The following CALHM4 variants were observed in gnomAD, a reference collection of about 807,000 sequenced individuals.
The protein encoded by CALHM4 is calcium homeostasis modulator protein 4.
In CALHM4, 16 loss-of-function variants were observed where a neutral mutation model predicts 13.3. The ratio of observed to expected loss-of-function variants is 1.20; its 90% CI spans 0.81 to 1.82. CALHM4 has a LOEUF of 1.82. Among genes scored for constraint, CALHM4 ranks in the 40% most tolerant of loss-of-function variants. The probability of loss-of-function intolerance (pLI) is 0.00; values close to 1 mark genes in which losing one functional copy is unlikely to be tolerated. For synonymous variants in CALHM4, 127 were observed against 137.1 expected (o/e 0.93, Z 0.52); for missense variants, 344 against 374.9 (o/e 0.92, Z 0.68).
chr6:116,547,713 A>C (rs1773866693), intron 2 of CALHM4, among the ~76,000 whole-genome samples: 1 of 152,240 alleles, frequency 6.6e-6, no homozygotes, highest in African/African-American at 2.4e-5. Flanking sequence ...AAGCGGGTAC[A>C]TGATCTATAA....
At chr6:116,531,178 T>C (rs771350695) in intron 1 of CALHM4, among the ~76,000 whole-genome samples, 1 of 151,872 alleles carries the variant, frequency 6.6e-6, no homozygotes, top group Non-Finnish European at 1.5e-5. Flanking sequence ...TGACCTAGCA[T>C]GAAACTCTAC....
At chr6:116,547,807 T>C (rs924950275) in intron 2 of CALHM4, among the ~76,000 whole-genome samples, 2 of 152,244 alleles carry the variant, frequency 1.3e-5, no homozygotes, top group Non-Finnish European at 2.9e-5. Flanking sequence ...AAGAGTTCTT[T>C]AGTCTTGTTA....
chr6:116,543,627 G>A (rs76042393), intron 1 of CALHM4: 9,920 of 649,128 alleles, frequency 0.015, 469 homozygotes, highest in African/African-American at 0.13. Context: ...AATGAATTTC[G>A]TAACATGATA....
chr6:116,539,500 A>T (rs1773297879), intron 1 of CALHM4, among the ~76,000 whole-genome samples: 1 of 152,178 alleles, frequency 6.6e-6, no homozygotes, highest in South Asian at 2.1e-4. Flanking sequence ...TATTTCTGGA[A>T]CTTAATTTTC....
At chr6:116,551,720 T>C (rs1407040232), upstream of CALHM4, among the ~76,000 whole-genome samples, 1 of 152,200 alleles carries the variant, frequency 6.6e-6, no homozygotes, top group African/African-American at 2.4e-5. Context: ...ATTTCTCTTG[T>C]GTAGGTAACT....
chr6:116,558,823 GC>G lies in CALHM4; in HGVS notation c.*615del, dbSNP rs984041735. The G allele has an allele frequency of 6.6e-6, 1 of 152,216 alleles. No individual in the cohort carries two copies. Among genetic ancestry groups the G allele is most frequent in the Admixed American group, 6.5e-5 (1 of 15,284 alleles). 9.4% of individuals were successfully genotyped at this position (152,216 alleles called of 1,614,324 possible). ...TAATCCAGTAACATGTGAGGGAGAA[GC>G]CCATGCAGGAAGCTCTTGAGTTACT... On this transcript the variant is annotated 3_prime_UTR_variant, in exon 2 of 2. Transcript: ENST00000368596.
chr6:116,543,643 T>C, intron 1 of CALHM4: 1 of 673,520 alleles, frequency 1.5e-6, no homozygotes, highest in South Asian at 1.8e-5. Context: ...TGATAACATC[T>C]TTCTATGCAT....
rs746190275 is a variant in CALHM4, at chr6:116,557,809, T to C, written c.559-16T>C. On this transcript the variant is annotated splice_polypyrimidine_tract_variant and intron_variant, in intron 1 of 1. Coordinates refer to ENST00000368596, the MANE Select transcript of CALHM4 (RefSeq NM_001366078.2). ...CATTGATACTTCCTGTTTTTCTTTTTAATAATGATGTGAAGATGCTGGGTT... is the reference window on the plus strand; with the variant it reads ...CATTGATACTTCCTGTTTTTCTTTTCAATAATGATGTGAAGATGCTGGGTT... 1 of 1,600,362 alleles carries C rather than the reference T, an allele frequency of 6.2e-7. No homozygotes were observed. Among genetic ancestry groups the C allele is most frequent in the Non-Finnish European group, 8.5e-7 (1 of 1,171,044 alleles).
At chr6:116,550,955 A>G (rs1705695031), upstream of CALHM4, among the ~76,000 whole-genome samples, 1 of 152,154 alleles carries the variant, frequency 6.6e-6, no homozygotes, top group African/African-American at 2.4e-5. Flanking sequence ...CACCAAGCCA[A>G]TGTTTACCCT....
In CALHM4 at chr6:116,554,088, C is replaced by G; in HGVS notation, c.295C>G (p.Leu99Val). The change falls in exon 1 of 2, where the codon CTG (leucine) becomes GTG (valine). Residue 99 changes from leucine to valine, a missense_variant. Coordinates refer to ENST00000368596, the MANE Select transcript of CALHM4 (RefSeq NM_001366078.2). ...YRRISPLECKLACLRFFSITG... is the reference protein window; with the variant it reads ...YRRISPLECKVACLRFFSITG... ...GAGAATCAGCCCCCTAGAGTGCAAG[C>G]TGGCTTGCCTTAGGTTCTTCAGCAT... 1 of 1,550,638 alleles carries G rather than the reference C, an allele frequency of 6.4e-7. No homozygotes were observed. The highest frequency in any genetic ancestry group is 2.0e-5 in the Admixed American group (1 of 51,010).
At chr6:116,531,607 T>A (rs1368263563) in intron 1 of CALHM4, among the ~76,000 whole-genome samples, 1 of 152,116 alleles carries the variant, frequency 6.6e-6, no homozygotes, top group African/African-American at 2.4e-5. Context: ...AGGTCTGACA[T>A]AAACCAAATG....
chr6:116,543,596 GGA>G (rs1223491836), intron 1 of CALHM4, among the ~76,000 whole-genome samples: 2 of 152,150 alleles, frequency 1.3e-5, no homozygotes, highest in African/African-American at 4.8e-5. Flanking sequence ...GTGAGGTGGG[GGA>G]GAGAGAGCTG....
chr6:116,537,394 T>C (rs1773166306), intron 1 of CALHM4, among the ~76,000 whole-genome samples: 1 of 152,082 alleles, frequency 6.6e-6, no homozygotes, highest in South Asian at 2.1e-4. Flanking sequence ...CATTAGGAGG[T>C]CAAATTTCGT....
chr6:116,554,373 C>T, intron 1 of CALHM4, 22 bp downstream of exon 1: 1 of 1,499,664 alleles, frequency 6.7e-7, no homozygotes, highest in East Asian at 2.5e-5. Flanking sequence ...GAATTTTTTT[C>T]CCTCTGCTAT....
chr6:116,542,420 T>C (rs1773521546), intron 1 of CALHM4, among the ~76,000 whole-genome samples: 2 of 152,176 alleles, frequency 1.3e-5, no homozygotes, highest in African/African-American at 4.8e-5. Flanking sequence ...TGTCTTTTTC[T>C]GTATTTCAAC....
rs41289940 is a variant in CALHM4, at chr6:116,558,575, A to T, written c.*364A>T. ...ATGAGAATTAAACATGATAATACAA[A>T]GTGTTTAGCACAGTGTCTTTCATAA... On this transcript the variant is annotated 3_prime_UTR_variant, in exon 2 of 2. Transcript: ENST00000368596. 0.064 allele frequency: 12,230 copies of T among 190,720 alleles called. 682 individuals are homozygous for T. Among genetic ancestry groups the T allele is most frequent in the African/African-American group, 0.17 (7,089 of 42,288 alleles). The allele number at this position is 190,720 out of a possible 1,614,324, so 11.8% of individuals were successfully genotyped here. A position where few individuals can be genotyped will look rare whatever the true frequency, so the allele number is the denominator to read the frequency against.
chr6:116,552,485 T>TAGAC (rs1324173580), upstream of CALHM4, among the ~76,000 whole-genome samples: 2 of 152,186 alleles, frequency 1.3e-5, no homozygotes, highest in Non-Finnish European at 2.9e-5. Flanking sequence ...GAACTCCTAC[T>TAGAC]AGACAGATTG....
intron 1 of CALHM4, among the ~76,000 whole-genome samples, chr6:116,538,888 C>T (rs1773260501): frequency 6.6e-6 from 1 of 152,064 alleles, no homozygotes; most frequent in South Asian, 2.1e-4. Flanking sequence ...TGCCACCACG[C>T]CCGGCTAATT....
At chr6:116,553,341 C>A (rs1013810553), upstream of CALHM4, among the ~76,000 whole-genome samples, 1 of 152,138 alleles carries the variant, frequency 6.6e-6, no homozygotes, top group Non-Finnish European at 1.5e-5. Flanking sequence ...TTGGATTGCT[C>A]TAGTATTTAA....
Sources: gnomAD v4.1 joint callset for allele counts (sites outside exome capture counted in the v4.1 genomes callset) on GRCh38, gnomAD v4.1.1 for gene constraint, MANE v1.5 for transcripts, NCBI Gene and HGNC (gene_info 2026-07-23, HGNC 2026-07-21) for gene names.